CSMD1: variants seen among roughly 807,000 people sequenced by gnomAD.
The protein encoded by CSMD1 is CUB and sushi domain-containing protein 1.
A neutral mutation model predicts 417.5 loss-of-function variants in CSMD1; 213 were observed. The observed-to-expected ratio is 0.51, with a 90% confidence interval of 0.46 to 0.57. The LOEUF (loss-of-function observed/expected upper bound fraction) is 0.57. Ranked by LOEUF, CSMD1 falls within the 20% of genes least tolerant of loss-of-function variation. The probability of loss-of-function intolerance (pLI) is 0.00; values close to 1 mark genes in which losing one functional copy is unlikely to be tolerated. For missense variants in CSMD1, 6,923 were observed against 4,529.7 expected (o/e 1.53, Z -15.17); for synonymous variants, 2,862 against 1,736.8 (o/e 1.65, Z -16.11).
intron 44 of CSMD1, among the ~76,000 whole-genome samples, 194 bp from the exon 45 acceptor site, chr8:3,107,992 G>C (rs1263709146): frequency 6.6e-6 from 1 of 152,086 alleles, no homozygotes; most frequent in Non-Finnish European, 1.5e-5. Flanking sequence ...CCAAAAAACA[G>C]TTAAAGCCCA....
chr8:4,753,067 C>T (rs542336278), intron 1 of CSMD1, among the ~76,000 whole-genome samples: 2 of 152,088 alleles, frequency 1.3e-5, no homozygotes, highest in Non-Finnish European at 2.9e-5. Context: ...TCTCATTTAA[C>T]CCTCACACCA....
chr8:3,609,810 C>CTT (rs1563196954), intron 8 of CSMD1, among the ~76,000 whole-genome samples: 4 of 86,316 alleles, frequency 4.6e-5, no homozygotes, highest in East Asian at 3.1e-4. Context: ...AAGTATCTTC[C>CTT]CTTTTTTTTT....
intron 1 of CSMD1, among the ~76,000 whole-genome samples, chr8:4,825,215 T>A (rs1056269552): frequency 6.6e-6 from 1 of 152,126 alleles, no homozygotes; most frequent in Non-Finnish European, 1.5e-5. Context: ...TTCAAAATAC[T>A]GCACGTTTAA....
intron 54 of CSMD1, among the ~76,000 whole-genome samples, chr8:2,996,973 G>A (rs892653881): frequency 1.3e-5 from 2 of 152,220 alleles, no homozygotes; most frequent in African/African-American, 4.8e-5. Context: ...CTGTGCACCT[G>A]GGGCTGACCA....
At position 3,369,381 on chromosome 8, in the gene CSMD1, TAA is replaced by T. The variant is rs757495115; in HGVS notation, c.2783-13_2783-12del. ...AGCCTCCACATAGAGCTTAAAATAA[TAA>T]AGAGAGATGATTACAGCACTAAAGT... On this transcript the variant is annotated splice_polypyrimidine_tract_variant and intron_variant, in intron 18 of 69. Coordinates refer to ENST00000635120, the MANE Select transcript of CSMD1 (RefSeq NM_033225.6). 2.3e-6 allele frequency: 3 copies of T among 1,293,522 alleles called. No individual in the cohort carries two copies. The highest frequency in any genetic ancestry group is 2.4e-5 in the South Asian group (2 of 81,666). The allele number at this position is 1,293,522 out of a possible 1,614,324, so 80.1% of individuals were successfully genotyped here.
intron 1 of CSMD1, among the ~76,000 whole-genome samples, chr8:4,756,570 G>C (rs1297834839): frequency 6.6e-6 from 1 of 152,180 alleles, no homozygotes; most frequent in Non-Finnish European, 1.5e-5. Context: ...TTGAAATAGA[G>C]CATGCGTTCT....
At chr8:4,819,115 G>C (rs555064512) in intron 1 of CSMD1, among the ~76,000 whole-genome samples, 56 of 152,308 alleles carry the variant, frequency 3.7e-4, no homozygotes, top group African/African-American at 1.3e-3. Flanking sequence ...CTATCGAAAA[G>C]CAACAGCAGC....
intron 1 of CSMD1, among the ~76,000 whole-genome samples, chr8:4,677,928 T>G (rs1299381489): frequency 6.6e-6 from 1 of 152,144 alleles, no homozygotes; most frequent in Non-Finnish European, 1.5e-5. Context: ...ATTGATTCCG[T>G]AGGTATAAAA....
At chr8:4,864,897 A>ACAC (rs1554505482) in intron 1 of CSMD1, among the ~76,000 whole-genome samples, 1 of 50,400 alleles carries the variant, frequency 2.0e-5, no homozygotes, top group Non-Finnish European at 5.9e-5. Flanking sequence ...CACACACACA[A>ACAC]ACACACACAC....
At chr8:3,206,555 CTGTG>C (rs1265350895) in intron 30 of CSMD1, among the ~76,000 whole-genome samples, 3 of 55,948 alleles carry the variant, frequency 5.4e-5, no homozygotes, top group Non-Finnish European at 1.0e-4. Context: ...GAGGTTATGT[CTGTG>C]TGTGTATGTG....
chr8:4,624,318 T>TCC (rs1470835260), intron 2 of CSMD1, among the ~76,000 whole-genome samples: 1 of 152,082 alleles, frequency 6.6e-6, no homozygotes, highest in Non-Finnish European at 1.5e-5. Context: ...GCAGAAGAAT[T>TCC]CTTCGAGCTC....
intron 5 of CSMD1, among the ~76,000 whole-genome samples, chr8:3,961,126 C>A (rs1257710849): frequency 6.6e-6 from 1 of 152,134 alleles, no homozygotes; most frequent in African/African-American, 2.4e-5. Flanking sequence ...TTAAAAATTG[C>A]ATCTCTTCTT....
Position 3,251,132 on chromosome 8 carries a change from C to T in CSMD1, c.4154-20901G>A, listed in dbSNP as rs544517635. On this transcript the variant is annotated intron_variant, in intron 26 of 69. Transcript: ENST00000635120. The stretch of plus-strand genomic sequence containing the variant: ...CTTTTGGTGTTTTAGACATGAAGTC[C>T]TTGCCCGTGCCTATGTCCTGAATGG... Among the ~76,000 whole-genome samples, 3 of 152,140 alleles carry T rather than the reference C, an allele frequency of 2.0e-5. No homozygotes were observed. In the East Asian group the frequency reaches 5.8e-4, roughly 30 times the overall value.
At chr8:4,615,158 A>C (rs1801403663) in intron 2 of CSMD1, among the ~76,000 whole-genome samples, 4 of 152,174 alleles carry the variant, frequency 2.6e-5, no homozygotes, top group African/African-American at 7.2e-5. Context: ...GCAACTACCC[A>C]TTTCAAATCT....
intron 6 of CSMD1, among the ~76,000 whole-genome samples, chr8:3,716,930 C>T (rs1031573891): frequency 6.6e-6 from 1 of 152,008 alleles, no homozygotes. Context: ...CTATTTAATT[C>T]CACCAAAATG....
intron 5 of CSMD1, among the ~76,000 whole-genome samples, chr8:3,936,580 T>C (rs917700197): frequency 4.6e-5 from 7 of 152,162 alleles, no homozygotes; most frequent in African/African-American, 1.4e-4. Flanking sequence ...CACATCTCTT[T>C]ATAGCATGGT....
intron 2 of CSMD1, among the ~76,000 whole-genome samples, chr8:4,589,413 T>C (rs1295731607): frequency 1.3e-5 from 2 of 152,154 alleles, no homozygotes; most frequent in Non-Finnish European, 2.9e-5. Context: ...TAGTAAGGAA[T>C]AGACTATTTC....
At chr8:3,855,034 TGCATATGCAGA>T (rs1804197113) in intron 5 of CSMD1, among the ~76,000 whole-genome samples, 1 of 152,004 alleles carries the variant, frequency 6.6e-6, no homozygotes, top group African/African-American at 2.4e-5. Flanking sequence ...CACAAAAACA[TGCATATGCAGA>T]GAGCTTGAGA....
rs781396337 is a variant in CSMD1, at chr8:2,951,066, G to A, written c.10201+48C>T. ...TCACCTCTCTGTGAAAAGATAACAG[G>A]TCTATTTCTGCTCACACCATGCGTT... On this transcript the variant is annotated intron_variant, in intron 66 of 69. Coordinates refer to ENST00000635120, the MANE Select transcript of CSMD1 (RefSeq NM_033225.6). 3.8e-5 allele frequency: 59 copies of A among 1,571,034 alleles called. No individual in the cohort carries two copies. The Middle Eastern group carries it at 6.4e-4, about 17-fold the overall frequency.
Sources: gnomAD v4.1 joint callset for allele counts (sites outside exome capture counted in the v4.1 genomes callset) on GRCh38, gnomAD v4.1.1 for gene constraint, MANE v1.5 for transcripts, NCBI Gene and HGNC (gene_info 2026-07-23, HGNC 2026-07-21) for gene names.